The following TYROBP variants were observed in gnomAD, a reference collection of about 807,000 sequenced individuals.
The protein encoded by TYROBP is TYRO protein tyrosine kinase-binding protein.
TYROBP carries 14 observed loss-of-function variants against 17.1 expected under a neutral mutation model. That is an observed-to-expected ratio of 0.82 (90% CI 0.54 to 1.28). The LOEUF is 1.28. Among genes scored for constraint, TYROBP ranks in the 50% most tolerant of loss-of-function variants. The probability of loss-of-function intolerance (pLI) is 0.00; values close to 1 mark genes in which losing one functional copy is unlikely to be tolerated. For synonymous variants in TYROBP, 73 were observed against 67.4 expected (o/e 1.08, Z -0.41); for missense variants, 161 against 151.4 (o/e 1.06, Z -0.33).
chr19:35,907,140 C>T (rs1975743047), intron 4 of TYROBP, 78 bp downstream of exon 4: 1 of 1,439,678 alleles, frequency 6.9e-7, no homozygotes, highest in Admixed American at 2.0e-5. Context: ...TGAGGTCCCT[C>T]TGATGGCATG....
intron 4 of TYROBP, among the ~76,000 whole-genome samples, chr19:35,906,572 G>A (rs772139463): frequency 1.3e-5 from 2 of 151,984 alleles, no homozygotes; most frequent in African/African-American, 2.4e-5. Context: ...ACCAAGGTAG[G>A]GCTGAATGAC....
chr19:35,905,539 A>G (rs1415296392), intron 4 of TYROBP, among the ~76,000 whole-genome samples: 1 of 152,040 alleles, frequency 6.6e-6, no homozygotes, highest in East Asian at 1.9e-4. Flanking sequence ...TCAGCCAGGC[A>G]TGGTGACTCA....
In TYROBP at chr19:35,907,744, G is replaced by A. The variant is rs1568505154; in HGVS notation, c.80C>T (p.Ala27Val). The A allele has an allele frequency of 6.2e-7, 1 of 1,614,096 alleles. No individual in the cohort carries two copies. The highest frequency in any genetic ancestry group is 1.7e-5 in the Admixed American group (1 of 60,008). The change falls in exon 2 of 5, where the codon GCC becomes GTC. Residue 27 changes from alanine (A) to valine (V), a missense_variant. Ala to Val is a moderately conservative substitution (Grantham distance 64). Coordinates refer to ENST00000262629, the MANE Select transcript of TYROBP (RefSeq NM_003332.4). The part of the protein sequence containing the change: ...LAVSGLRPVQ[A>V]QAQSDCSCST... ...TCTAGGCCTACCGCTCTGGGCCTGG[G>A]CCTGGACAGGACGGAGACCTGAGGA...
chr19:35,904,784 C>G lies in TYROBP; in HGVS notation c.277-150G>C. On this transcript the variant is annotated intron_variant, in intron 4 of 4. Transcript: ENST00000262629. The stretch of plus-strand genomic sequence containing the variant: ...TCAAGTACATTCAATGTTCCCCCTT[C>G]TCCTCTGCCTCATCAGTGTGCCCCA... The G allele has an allele frequency of 5.6e-6, 4 of 713,950 alleles. No individual in the cohort carries two copies. In the South Asian group the frequency reaches 6.7e-5, roughly 12 times the overall value. The allele number at this position is 713,950 out of a possible 1,614,324, so 44.2% of individuals were successfully genotyped here.
chr19:35,907,307 G>C (rs181428328), intron 3 of TYROBP, 43 bp from the exon 4 acceptor site: 11 of 1,610,962 alleles, frequency 6.8e-6, no homozygotes, highest in Non-Finnish European at 9.3e-6. Flanking sequence ...CAGGCAGAGT[G>C]GTGAGTTGAG....
intron 4 of TYROBP, among the ~76,000 whole-genome samples, chr19:35,906,042 T>C (rs983244969): frequency 1.3e-5 from 2 of 151,828 alleles, no homozygotes; most frequent in African/African-American, 4.8e-5. Flanking sequence ...ATCCCAAGAT[T>C]TTCGGAGGCT....
intron 4 of TYROBP, among the ~76,000 whole-genome samples, chr19:35,905,950 C>G (rs1975712174): frequency 7.9e-6 from 1 of 126,214 alleles, no homozygotes; most frequent in African/African-American, 3.7e-5. Context: ...GAGACTCCAT[C>G]TCAAAAAAAA....
chr19:35,907,643 G>A, intron 2 of TYROBP, 63 bp from the exon 3 acceptor site: 4 of 1,612,666 alleles, frequency 2.5e-6, no homozygotes, highest in Non-Finnish European at 3.4e-6. Context: ...GGGGTCAGCG[G>A]CAGGGAGGTT....
Position 35,908,188 on chromosome 19 carries a change from GGCAGGA to G in TYROBP, c.35_40del (p.Leu12_Leu13del), listed in dbSNP as rs1451728374. 4.3e-6 allele frequency: 7 copies of G among 1,613,976 alleles called. No homozygotes were observed. Among genetic ancestry groups the G allele is most frequent in the Non-Finnish European group, 5.9e-6 (7 of 1,179,980 alleles). On this transcript the variant is annotated inframe_deletion, in exon 1 of 5. Transcript: ENST00000262629. ...CTCACCACTTACAGCCAGCAGGAGA[GGCAGGA>G]GCAGGAGCCTGCTGCAGGGTTCAAG...
At chr19:35,907,191 G>T (rs1293159082) in intron 4 of TYROBP, 27 bp downstream of exon 4, 1 of 1,588,286 alleles carries the variant, frequency 6.3e-7, no homozygotes, top group South Asian at 1.1e-5. Context: ...GGAGTGAAAT[G>T]TGAGGAGGAC....
Position 35,907,221 on chromosome 19 carries a change from A to T in TYROBP, c.273T>A (p.Tyr91Ter). The T allele has an allele frequency of 6.2e-7, 1 of 1,602,312 alleles. No individual in the cohort carries two copies. Among genetic ancestry groups the T allele is most frequent in the Non-Finnish European group, 8.5e-7 (1 of 1,174,910 alleles). Reference protein sequence around the residue: ...KQRITETESPYQELQGQRSDV... With the variant: ...KQRITETESP ...GAGGACAGTCTGGTTTTCTCACCTG[A>T]TAAGGCGACTCGGTCTCAGTGATAC... Residue 91 changes from tyrosine (Y) to a stop codon, truncating the protein, a stop_gained, in exon 4 of 5, where the codon TAT becomes TAA. Transcript: ENST00000262629. LOFTEE classifies it high-confidence loss of function.
chr19:35,907,963 A>G (rs1975771444), intron 1 of TYROBP, among the ~76,000 whole-genome samples: 1 of 152,092 alleles, frequency 6.6e-6, no homozygotes, highest in African/African-American at 2.4e-5. Flanking sequence ...GTGGCAACAC[A>G]CTTAGATGTC....
Position 35,907,231 on chromosome 19 carries a change from T to C in TYROBP, c.263A>G (p.Glu88Gly). 4 of 1,605,712 alleles carry C rather than the reference T, an allele frequency of 2.5e-6. No homozygotes were observed. Among genetic ancestry groups the C allele is most frequent in the Non-Finnish European group, 3.4e-6 (4 of 1,176,490 alleles). Reference sequence around the variant, plus strand: ...TGGTTTTCTCACCTGATAAGGCGACTCGGTCTCAGTGATACGCTGTTTCCG... The same window carrying C: ...TGGTTTTCTCACCTGATAAGGCGACCCGGTCTCAGTGATACGCTGTTTCCG... ...ATRKQRITET[E>G]SPYQELQGQR... is the part of the protein sequence containing the mutation. The change falls in exon 4 of 5, where the codon GAG becomes GGG. Residue 88 changes from glutamate to glycine, a missense_variant. By Grantham distance (98) the Glu-to-Gly change is moderately conservative. Coordinates refer to ENST00000262629, the MANE Select transcript of TYROBP (RefSeq NM_003332.4).
Position 35,904,483 on chromosome 19 carries a change from C to G in TYROBP, c.*86G>C. 1 of 1,371,924 alleles carries G rather than the reference C, an allele frequency of 7.3e-7. No individual in the cohort carries two copies. Among genetic ancestry groups the G allele is most frequent in the South Asian group, 1.2e-5 (1 of 83,878 alleles). 85.0% of individuals were successfully genotyped at this position (1,371,924 alleles called of 1,614,324 possible). Reference sequence around the variant, plus strand: ...GGGATGGCACTCTGTGGGTCTGTATCGCGGTAGGAGTTGGAATGAGGTGCA... The same window carrying G: ...GGGATGGCACTCTGTGGGTCTGTATGGCGGTAGGAGTTGGAATGAGGTGCA... On this transcript the variant is annotated 3_prime_UTR_variant, in exon 5 of 5. Transcript: ENST00000262629.
chr19:35,906,604 G>A (rs963549381), intron 4 of TYROBP, among the ~76,000 whole-genome samples: 4 of 151,924 alleles, frequency 2.6e-5, no homozygotes, highest in Admixed American at 2.0e-4. Flanking sequence ...TACTGAGAGC[G>A]TCTCCCAGAA....
rs1975774047 is a variant in TYROBP at position 35,908,075 on chromosome 19, C to T, written c.61+93G>A. The T allele has an allele frequency of 4.3e-6, 5 of 1,154,290 alleles. 1 individual carries two copies. The South Asian group carries it at 6.5e-5, about 15-fold the overall frequency. 71.5% of individuals were successfully genotyped at this position (1,154,290 alleles called of 1,614,324 possible). On this transcript the variant is annotated intron_variant, in intron 1 of 4. Coordinates refer to ENST00000262629, the MANE Select transcript of TYROBP (RefSeq NM_003332.4). ...TGGGGACCTGCTCCCATCCCAACAC[C>T]CACTTTTGGTTCTCTCGTTCCACCC...
Position 35,904,574 on chromosome 19 carries a change from T to C in TYROBP, c.337A>G (p.Lys113Glu). 4 of 1,613,686 alleles carry C rather than the reference T, an allele frequency of 2.5e-6. No homozygotes were observed. The highest frequency in any genetic ancestry group is 3.4e-6 in the Non-Finnish European group (4 of 1,179,890). ...CTGACTGTCATGATTCGGGCTCATT[T>C]GTAATACGGCCTCTGTGTGTTGAGG... ...SDLNTQRPYY[K>E] The change falls in exon 5 of 5, where the codon AAA (lysine) becomes GAA (glutamate). Residue 113 changes from lysine (K) to glutamate (E), a missense_variant. By Grantham distance (56) the Lys-to-Glu change is moderately conservative. Coordinates refer to ENST00000262629, the MANE Select transcript of TYROBP (RefSeq NM_003332.4).
chr19:35,907,576 G>A lies in TYROBP; in HGVS notation c.99C>T (p.Cys33=). The A allele has an allele frequency of 4.3e-6, 7 of 1,614,062 alleles. No individual in the cohort carries two copies. The highest frequency in any genetic ancestry group is 4.2e-6 in the Non-Finnish European group (5 of 1,179,974). ...RPVQAQAQSD[C]SCSTVSPGVL... is the part of the protein sequence containing the mutation. ...CGCCCGGGCTCACCGTAGAGCAACTGCAATCTGCAGCACAGGGGTCAGGGG... is the reference window on the plus strand; with the variant it reads ...CGCCCGGGCTCACCGTAGAGCAACTACAATCTGCAGCACAGGGGTCAGGGG... The change falls in exon 3 of 5, where the codon TGC becomes TGT. Residue 33 remains cysteine, a synonymous_variant. Coordinates refer to ENST00000262629, the MANE Select transcript of TYROBP (RefSeq NM_003332.4).
chr19:35,907,836 G>T, intron 1 of TYROBP, 74 bp from the exon 2 acceptor site: 4 of 1,523,984 alleles, frequency 2.6e-6, no homozygotes, highest in Non-Finnish European at 3.6e-6. Context: ...TAGAAGCCAG[G>T]GAAGGTGGAT....
Sources: allele counts gnomAD v4.1 joint callset (sites outside exome capture counted in the v4.1 genomes callset), GRCh38; gene constraint gnomAD v4.1.1; transcripts MANE v1.5; gene names NCBI Gene and HGNC (gene_info 2026-07-23, HGNC 2026-07-21).